Variants in PHIP observed in about 807,000 individuals in gnomAD.
PHIP encodes the protein PH-interacting protein.
A neutral mutation model predicts 236.8 loss-of-function variants in PHIP; 54 were observed. The observed-to-expected ratio is 0.23, with a 90% CI of 0.18 to 0.29. PHIP has a LOEUF of 0.29. PHIP is among the 10% of genes least tolerant of loss of function. PHIP has a pLI of 1.00. For missense variants in PHIP, 1,370 were observed against 2,190.8 expected (o/e 0.63, Z 7.48); for synonymous variants, 756 against 718.9 (o/e 1.05, Z -0.83).
At chr6:78,951,820 A>G (rs1774170439) in intron 35 of PHIP, among the ~76,000 whole-genome samples, 1 of 152,222 alleles carries the variant, frequency 6.6e-6, no homozygotes, top group South Asian at 2.1e-4. Flanking sequence ...AATATCACAT[A>G]TAACTGGTGC....
chr6:78,998,411 A>T lies in PHIP; in HGVS notation c.1880-20T>A. 6.2e-7 allele frequency: 1 copy of T among 1,607,090 alleles called. No homozygotes were observed. The highest frequency in any genetic ancestry group is 8.5e-7 in the Non-Finnish European group (1 of 1,174,962). ...TCAGTCCTATACAATACCACACAAA[A>T]TATTACGAATATTTTAGCTACTATT... On this transcript the variant is annotated intron_variant, in intron 17 of 39. Transcript: ENST00000275034.
intron 6 of PHIP, 34 bp downstream of exon 6, chr6:79,060,444 G>A (rs780008678): frequency 2.2e-5 from 31 of 1,414,244 alleles, no homozygotes; most frequent in Admixed American, 9.6e-5. Flanking sequence ...TTTACCAAGA[G>A]GCTATTAACT....
chr6:79,060,108 A>G (rs1773297264), intron 6 of PHIP, among the ~76,000 whole-genome samples: 1 of 944 alleles, frequency 1.1e-3, no homozygotes, highest in African/African-American at 1.9e-3. Context: ...CAAAAAAAGA[A>G]AAAAAAAAAA....
At chr6:78,970,319 G>A in intron 25 of PHIP, 146 bp from the exon 26 acceptor site, 1 of 635,644 alleles carries the variant, frequency 1.6e-6, no homozygotes, top group Non-Finnish European at 2.7e-6. Flanking sequence ...ACTGAGCTCT[G>A]TATTAAGATT....
chr6:78,945,543 AAAGAT>A (rs1773765225), intron 38 of PHIP, 46 bp from the exon 39 acceptor site: 4 of 1,172,254 alleles, frequency 3.4e-6, no homozygotes, highest in Non-Finnish European at 2.5e-6. Flanking sequence ...TATTGAACCT[AAAGAT>A]AAGAAAAAAG....
intron 6 of PHIP, among the ~76,000 whole-genome samples, chr6:79,058,412 A>G (rs1172560987): frequency 6.6e-6 from 1 of 152,102 alleles, no homozygotes; most frequent in African/African-American, 2.4e-5. Context: ...CGTGGCCTAA[A>G]ATATTATATT....
intron 22 of PHIP, among the ~76,000 whole-genome samples, chr6:78,984,250 T>C (rs1030025081): frequency 6.6e-6 from 1 of 152,206 alleles, no homozygotes; most frequent in Non-Finnish European, 1.5e-5. Flanking sequence ...TAGCATGATT[T>C]AGTGATTTCA....
intron 4 of PHIP, among the ~76,000 whole-genome samples, chr6:79,067,375 G>A (rs1333195630): frequency 2.0e-5 from 3 of 152,208 alleles, no homozygotes; most frequent in South Asian, 2.1e-4. Flanking sequence ...TGCTTGCTAT[G>A]GGAACAACAA....
chr6:79,062,226 T>C (rs1773413238), intron 4 of PHIP, among the ~76,000 whole-genome samples: 1 of 152,164 alleles, frequency 6.6e-6, no homozygotes, highest in Non-Finnish European at 1.5e-5. Flanking sequence ...AATCCTGAGA[T>C]TATTTCCCAA....
At chr6:78,999,824 A>G (rs1354812497) in intron 17 of PHIP, among the ~76,000 whole-genome samples, 5 of 152,096 alleles carry the variant, frequency 3.3e-5, no homozygotes, top group African/African-American at 4.8e-5. Context: ...AAAATTCAAT[A>G]GGATAAAATA....
At chr6:79,075,253 A>T (rs1435610846) in intron 4 of PHIP, among the ~76,000 whole-genome samples, 1 of 152,148 alleles carries the variant, frequency 6.6e-6, no homozygotes, top group Admixed American at 6.5e-5. Context: ...TAACTCACAC[A>T]CCTAGATATA....
rs772679276 is a variant in PHIP at position 78,997,533 on chromosome 6, T to C, written c.2082A>G (p.Gln694=). The C allele has an allele frequency of 1.9e-6, 3 of 1,613,940 alleles. No individual in the cohort carries two copies. Among genetic ancestry groups the C allele is most frequent in the Non-Finnish European group, 2.5e-6 (3 of 1,179,948 alleles). ...TGTGCATTTGCCGTACACCTTCAAT[T>C]TGTCCACTACGTCTTAGTCCTACGT... ...PPNVGLRRSG[Q]IEGVRQMHSN... is the part of the protein sequence containing the mutation. The change falls in exon 19 of 40, where the codon CAA becomes CAG. Residue 694 remains glutamine (Q), a synonymous_variant. Coordinates refer to ENST00000275034, the MANE Select transcript of PHIP (RefSeq NM_017934.7).
chr6:79,045,751 A>G (rs917499270), intron 6 of PHIP, among the ~76,000 whole-genome samples: 2 of 152,170 alleles, frequency 1.3e-5, no homozygotes, highest in South Asian at 4.1e-4. Context: ...GGTTAAACAG[A>G]TAAGGGGACA....
At chr6:79,005,172 AACTT>A (rs1770217788) in intron 15 of PHIP, among the ~76,000 whole-genome samples, 1 of 152,066 alleles carries the variant, frequency 6.6e-6, no homozygotes, top group Non-Finnish European at 1.5e-5. Flanking sequence ...TATACACAAA[AACTT>A]AGAAAAGAAA....
At position 78,940,813 on chromosome 6, in the gene PHIP, G is replaced by C; in HGVS notation, c.5346C>G (p.Asp1782Glu). 1 of 1,613,926 alleles carries C rather than the reference G, an allele frequency of 6.2e-7. No individual in the cohort carries two copies. The highest frequency in any genetic ancestry group is 8.5e-7 in the Non-Finnish European group (1 of 1,179,904). The change falls in exon 40 of 40, where the codon GAC becomes GAG. Residue 1782 changes from aspartate to glutamate, a missense_variant. Physicochemically the swap from Asp to Glu is conservative, Grantham distance 45. This residue lies in a region of PHIP where 30 missense variants were observed against 68.2 expected (regional missense o/e 0.44). Transcript: ENST00000275034. ...ACAGCTGCCTTTGCTCCTCTTCAGAGTCATCCTCATTATAGAAAGCTGTCC... is the reference window on the plus strand; with the variant it reads ...ACAGCTGCCTTTGCTCCTCTTCAGACTCATCCTCATTATAGAAAGCTGTCC... ...GRRTAFYNED[D>E]SEEEQRQLLF...
At chr6:79,052,169 T>C (rs67890480) in intron 6 of PHIP, among the ~76,000 whole-genome samples, 16,184 of 152,094 alleles carry the variant, frequency 0.11, 891 homozygotes, top group Middle Eastern at 0.19. Flanking sequence ...TCTAAACACG[T>C]TGGGGCTGAG....
chr6:78,979,784 T>G (rs1768387257), intron 23 of PHIP, among the ~76,000 whole-genome samples: 2 of 152,116 alleles, frequency 1.3e-5, no homozygotes, highest in Non-Finnish European at 2.9e-5. Flanking sequence ...TTTACTTGTT[T>G]TTTTAAAAAC....
At chr6:79,058,000 T>C (rs1294465538) in intron 6 of PHIP, among the ~76,000 whole-genome samples, 1 of 152,144 alleles carries the variant, frequency 6.6e-6, no homozygotes, top group African/African-American at 2.4e-5. Context: ...CTAGCTTCTC[T>C]GCAGTGCTTT....
At chr6:79,008,594 G>T (rs1220831777) in intron 15 of PHIP, among the ~76,000 whole-genome samples, 1 of 151,790 alleles carries the variant, frequency 6.6e-6, no homozygotes, top group African/African-American at 2.4e-5. Flanking sequence ...CTTAAGGATT[G>T]TGACCCCTTT....
Sources: gnomAD v4.1 joint callset for allele counts (sites outside exome capture counted in the v4.1 genomes callset) on GRCh38, gnomAD v4.1.1 for gene constraint, gnomAD v4.1.1 regional missense constraint, MANE v1.5 for transcripts, NCBI Gene and HGNC (gene_info 2026-07-23, HGNC 2026-07-21) for gene names.